The following BNC2 variants were observed in gnomAD, a reference collection of about 807,000 sequenced individuals.
BNC2 encodes zinc finger protein basonuclin-2.
Under a neutral mutation model 76.3 loss-of-function variants are expected in BNC2, and 20 were observed. The observed-to-expected ratio is 0.26, with a 90% confidence interval of 0.18 to 0.38. The LOEUF (loss-of-function observed/expected upper bound fraction) is 0.38, where lower values mean the gene tolerates loss of function less well. Ranked by LOEUF, BNC2 falls within the 10% of genes least tolerant of loss-of-function variation. The pLI is 1.00. For synonymous variants in BNC2, 582 were observed against 514.8 expected, an observed-to-expected ratio of 1.13 and a Z score of -1.77; for missense variants, 1,382 against 1,399.8, an observed-to-expected ratio of 0.99 and a Z score of 0.20.
intron 1 of BNC2, among the ~76,000 whole-genome samples, chr9:16,784,852 T>G (rs1411456187): frequency 1.3e-5 from 2 of 152,204 alleles, no homozygotes; most frequent in African/African-American, 4.8e-5. Context: ...CTTTTTCTTT[T>G]AAGGAGAGGA....
intron 3 of BNC2, among the ~76,000 whole-genome samples, chr9:16,721,197 T>C (rs1290292488): frequency 1.3e-5 from 2 of 152,134 alleles, no homozygotes; most frequent in Non-Finnish European, 1.5e-5. Flanking sequence ...AGCAGATTTT[T>C]TTCATCTTAT....
intron 5 of BNC2, among the ~76,000 whole-genome samples, chr9:16,456,309 T>C (rs1051152054): frequency 1.3e-5 from 2 of 152,096 alleles, no homozygotes; most frequent in African/African-American, 2.4e-5. Flanking sequence ...TAAATTCACA[T>C]GTTCTATTTG....
chr9:16,841,783 C>A (rs542536769), intron 1 of BNC2, among the ~76,000 whole-genome samples: 1 of 151,876 alleles, frequency 6.6e-6, no homozygotes, highest in African/African-American at 2.4e-5. Flanking sequence ...ATTTCCGAAG[C>A]CTATGTCTGC....
intron 5 of BNC2, among the ~76,000 whole-genome samples, chr9:16,524,281 C>G (rs1050603017): frequency 6.6e-6 from 1 of 152,162 alleles, no homozygotes; most frequent in Non-Finnish European, 1.5e-5. Flanking sequence ...CTAGTAGACA[C>G]CAGATTTAAC....
intron 1 of BNC2, among the ~76,000 whole-genome samples, chr9:16,810,680 GCATCA>G (rs1446128206): frequency 6.6e-6 from 1 of 152,188 alleles, no homozygotes; most frequent in Non-Finnish European, 1.5e-5. Flanking sequence ...TGAACAAAAT[GCATCA>G]CACATAGTAA....
chr9:16,714,822 C>T (rs947520877), intron 3 of BNC2, among the ~76,000 whole-genome samples: 4 of 152,182 alleles, frequency 2.6e-5, no homozygotes, highest in Non-Finnish European at 5.9e-5. Flanking sequence ...ATTACCTGTT[C>T]TGTTGAAAAT....
intron 1 of BNC2, among the ~76,000 whole-genome samples, chr9:16,803,664 G>A (rs988537011): frequency 6.6e-6 from 1 of 152,228 alleles, no homozygotes; most frequent in African/African-American, 2.4e-5. Context: ...TACTCAGCCG[G>A]TGACAGCTTT....
At chr9:16,639,647 T>C (rs1821430647) in intron 3 of BNC2, among the ~76,000 whole-genome samples, 1 of 152,002 alleles carries the variant, frequency 6.6e-6, no homozygotes, top group South Asian at 2.1e-4. Flanking sequence ...TCAGGCACAC[T>C]GGCTCATGCC....
At chr9:16,754,220 T>G (rs1825309276) in intron 1 of BNC2, among the ~76,000 whole-genome samples, 1 of 152,226 alleles carries the variant, frequency 6.6e-6, no homozygotes, top group Admixed American at 6.5e-5. Context: ...GTATTTATCT[T>G]CAGCTCACAG....
intron 5 of BNC2, among the ~76,000 whole-genome samples, chr9:16,492,143 T>TC (rs1394485824): frequency 1.3e-5 from 2 of 151,578 alleles, no homozygotes; most frequent in South Asian, 2.1e-4. Context: ...TTCTTTTTTT[T>TC]CCCCACCCTT....
At chr9:16,615,531 TAAG>T (rs1173566448) in intron 3 of BNC2, among the ~76,000 whole-genome samples, 2 of 152,146 alleles carry the variant, frequency 1.3e-5, no homozygotes, top group Non-Finnish European at 2.9e-5. Context: ...GGAATCTAAA[TAAG>T]AAGGCCTTGC....
At chr9:16,526,467 CTTTTTTTT>C (rs144511624) in intron 5 of BNC2, among the ~76,000 whole-genome samples, 3 of 48,820 alleles carry the variant, frequency 6.1e-5, no homozygotes, top group Non-Finnish European at 7.4e-5. Context: ...TAGTTTAATG[CTTTTTTTT>C]TTTTTTTTTT....
At position 16,846,116 on chromosome 9, in the gene BNC2, G is replaced by T. The variant is rs535459895; in HGVS notation, c.3+24530C>A. 9.7e-4 allele frequency among the ~76,000 whole-genome samples: 145 copies of T among 150,182 alleles called. 1 individual carries two copies. Among genetic ancestry groups the T allele is most frequent in the Non-Finnish European group, 1.6e-3 (110 of 67,796 alleles). ...GATCGCGCCACTGCACTCCAACGTG[G>T]GAGACAGAGCGAGACACCGTCTCAA... On this transcript the variant is annotated intron_variant, in intron 1 of 6. Transcript: ENST00000380672.
chr9:16,667,103 A>ACACG (rs974604014), intron 3 of BNC2, among the ~76,000 whole-genome samples: 1 of 151,302 alleles, frequency 6.6e-6, no homozygotes, highest in African/African-American at 2.4e-5. Context: ...ACACACACAC[A>ACACG]CACACGCACA....
At chr9:16,689,997 C>T (rs144456890) in intron 3 of BNC2, among the ~76,000 whole-genome samples, 234 of 152,294 alleles carry the variant, frequency 1.5e-3, no homozygotes, top group Middle Eastern at 6.8e-3. Flanking sequence ...AGCAGAAACA[C>T]AGGAAGGTGA....
chr9:16,595,181 T>C (rs1337796428), intron 3 of BNC2, among the ~76,000 whole-genome samples: 2 of 152,136 alleles, frequency 1.3e-5, no homozygotes, highest in Non-Finnish European at 2.9e-5. Flanking sequence ...CTACAGCATT[T>C]TACTTATACC....
chr9:16,440,125 C>G (rs1821096318), intron 5 of BNC2, among the ~76,000 whole-genome samples: 1 of 152,188 alleles, frequency 6.6e-6, no homozygotes, highest in Non-Finnish European at 1.5e-5. Context: ...CATTTCACCC[C>G]TATCGTAACT....
At chr9:16,587,793 C>G (rs1819814672) in intron 3 of BNC2, among the ~76,000 whole-genome samples, 1 of 152,170 alleles carries the variant, frequency 6.6e-6, no homozygotes, top group South Asian at 2.1e-4. Flanking sequence ...CCAAGTCCTG[C>G]TTAAGTTGTT....
chr9:16,655,472 A>G (rs1040486423), intron 3 of BNC2, among the ~76,000 whole-genome samples: 3 of 152,130 alleles, frequency 2.0e-5, no homozygotes, highest in Admixed American at 2.0e-4. Flanking sequence ...ATCTCACTGT[A>G]TTACAGTTCC....
Sources: gnomAD v4.1 joint callset for allele counts (sites outside exome capture counted in the v4.1 genomes callset) on GRCh38, gnomAD v4.1.1 for gene constraint, MANE v1.5 for transcripts, NCBI Gene and HGNC (gene_info 2026-07-23, HGNC 2026-07-21) for gene names.